ST8SIA4: variants seen among roughly 807,000 people sequenced by gnomAD.
ST8SIA4 encodes ST8 alpha-N-acetyl-neuraminide alpha-2,8-sialyltransferase 4.
A neutral mutation model predicts 33.9 loss-of-function variants in ST8SIA4; 15 were observed. That is an observed-to-expected ratio of 0.44 (90% CI 0.30 to 0.68). The LOEUF (loss-of-function observed/expected upper bound fraction) is 0.68, where lower values mean the gene tolerates loss of function less well. ST8SIA4 is among the 30% of genes least tolerant of loss of function. The pLI, the probability that ST8SIA4 is intolerant of heterozygous loss-of-function variation, is 0.10. For missense variants in ST8SIA4, 321 were observed against 428.0 expected, an observed-to-expected ratio of 0.75 and a Z score of 2.21; for synonymous variants, 171 against 151.2, an observed-to-expected ratio of 1.13 and a Z score of -0.96.
chr5:100,888,410 G>T (rs1752588083), intron 2 of ST8SIA4, among the ~76,000 whole-genome samples: 1 of 151,752 alleles, frequency 6.6e-6, no homozygotes, highest in South Asian at 2.1e-4. Context: ...TTTGATTCTA[G>T]GGGTATCCAA....
At chr5:100,848,299 A>G (rs1227044620) in intron 4 of ST8SIA4, among the ~76,000 whole-genome samples, 1 of 151,430 alleles carries the variant, frequency 6.6e-6, no homozygotes, top group Non-Finnish European at 1.5e-5. Flanking sequence ...GACATACAAA[A>G]CGTCTAACAA....
At chr5:100,859,474 T>A (rs1180088113) in intron 3 of ST8SIA4, among the ~76,000 whole-genome samples, 1 of 152,084 alleles carries the variant, frequency 6.6e-6, no homozygotes, top group Non-Finnish European at 1.5e-5. Context: ...ATTTGACATG[T>A]TGAAAACATA....
At chr5:100,854,726 AAAC>A (rs2112438572) in intron 4 of ST8SIA4, among the ~76,000 whole-genome samples, 1 of 152,356 alleles carries the variant, frequency 6.6e-6, no homozygotes, top group African/African-American at 2.4e-5. Flanking sequence ...CTCAGGAACA[AAAC>A]AAAAATACCT....
intron 4 of ST8SIA4, among the ~76,000 whole-genome samples, chr5:100,840,926 C>T (rs1454118833): frequency 6.6e-6 from 1 of 151,776 alleles, no homozygotes; most frequent in African/African-American, 2.4e-5. Context: ...TGGCCCCCAC[C>T]TAATCCATTT....
chr5:100,846,257 C>G (rs1195005513), intron 4 of ST8SIA4, among the ~76,000 whole-genome samples: 1 of 151,858 alleles, frequency 6.6e-6, no homozygotes, highest in African/African-American at 2.4e-5. Context: ...CTGCTTGGTT[C>G]CCTGCTTGTT....
At chr5:100,862,649 G>A (rs1017887833) in intron 3 of ST8SIA4, among the ~76,000 whole-genome samples, 3 of 151,966 alleles carry the variant, frequency 2.0e-5, no homozygotes, top group Non-Finnish European at 4.4e-5. Flanking sequence ...TGATCCACCC[G>A]CCTCTGCCTC....
chr5:100,832,758 A>C (rs1751288366), intron 4 of ST8SIA4, among the ~76,000 whole-genome samples: 1 of 151,912 alleles, frequency 6.6e-6, no homozygotes, highest in Non-Finnish European at 1.5e-5. Context: ...ACTTACACCA[A>C]CCCAACTCTT....
At chr5:100,886,772 C>T (rs576749016) in intron 2 of ST8SIA4, among the ~76,000 whole-genome samples, 172 bp from the exon 3 acceptor site, 3 of 151,978 alleles carry the variant, frequency 2.0e-5, no homozygotes, top group South Asian at 2.1e-4. Flanking sequence ...TGAATTAAGT[C>T]GATTCTATAA....
At chr5:100,857,218 T>C (rs1751835122) in intron 3 of ST8SIA4, among the ~76,000 whole-genome samples, 1 of 152,016 alleles carries the variant, frequency 6.6e-6, no homozygotes, top group Admixed American at 6.6e-5. Flanking sequence ...GGGCCTGATG[T>C]TGTTTATATA....
At chr5:100,815,501 G>T (rs544395746) in intron 4 of ST8SIA4, among the ~76,000 whole-genome samples, 2 of 141,780 alleles carry the variant, frequency 1.4e-5, no homozygotes, top group Admixed American at 1.4e-4. Context: ...TTCTTCTGTT[G>T]TATGAAACAT....
chr5:100,832,268 C>T (rs1751279316), intron 4 of ST8SIA4, among the ~76,000 whole-genome samples: 1 of 151,906 alleles, frequency 6.6e-6, no homozygotes, highest in Admixed American at 6.6e-5. Flanking sequence ...TATTGGGGCA[C>T]CACAGTGTTT....
intron 4 of ST8SIA4, among the ~76,000 whole-genome samples, chr5:100,848,642 G>A (rs1316540277): frequency 6.7e-6 from 1 of 150,034 alleles, no homozygotes; most frequent in Non-Finnish European, 1.5e-5. Context: ...TACAGTGTGT[G>A]TGTATATATA....
intron 1 of ST8SIA4, chr5:100,900,223 G>A (rs1752871739): frequency 2.9e-6 from 1 of 344,946 alleles, no homozygotes; most frequent in Non-Finnish European, 5.8e-6. Flanking sequence ...AGTGATGCAA[G>A]ATTCAAGGAC....
chr5:100,886,484 G>T lies in ST8SIA4; in HGVS notation c.362C>A (p.Ser121Tyr), dbSNP rs1752539886. ...AGGTAGGAGGCTATGTAGATCATGAGAAATGTTTAGTGTCCGGCGCCTGTC... is the reference window on the plus strand; with the variant it reads ...AGGTAGGAGGCTATGTAGATCATGATAAATGTTTAGTGTCCGGCGCCTGTC... ...VLDRRRTLNI[S>Y]HDLHSLLPEV... The change falls in exon 3 of 5, where the codon TCT becomes TAT. Residue 121 changes from serine to tyrosine, a missense_variant. By Grantham distance (144) the Ser-to-Tyr change is moderately radical. Coordinates refer to ENST00000231461, the MANE Select transcript of ST8SIA4 (RefSeq NM_005668.6). 5.6e-6 allele frequency: 9 copies of T among 1,613,792 alleles called. No homozygotes were observed. The highest frequency in any genetic ancestry group is 2.7e-5 in the African/African-American group (2 of 74,896).
In ST8SIA4 at chr5:100,843,910, G is replaced by A. The variant is rs1021800539; in HGVS notation, c.797+12193C>T. On this transcript the variant is annotated intron_variant, in intron 4 of 4. Coordinates refer to ENST00000231461, the MANE Select transcript of ST8SIA4 (RefSeq NM_005668.6). ...TATTTACACCTTACTTGGTATTTAC[G>A]CATTTTATTATCTCTCTCCAATATT... Among the ~76,000 whole-genome samples the A allele has an allele frequency of 4.6e-5, 7 of 151,940 alleles. No homozygotes were observed. In the East Asian group the frequency reaches 5.8e-4, roughly 13 times the overall value.
chr5:100,840,117 A>T (rs1452239803), intron 4 of ST8SIA4, among the ~76,000 whole-genome samples: 2 of 151,806 alleles, frequency 1.3e-5, no homozygotes, highest in East Asian at 3.9e-4. Context: ...TATCAGTGAG[A>T]CACAGCAACA....
chr5:100,878,396 C>T (rs1263010391), intron 3 of ST8SIA4, among the ~76,000 whole-genome samples: 2 of 151,884 alleles, frequency 1.3e-5, no homozygotes, highest in Non-Finnish European at 2.9e-5. Context: ...AGGCTGGTCT[C>T]GAACTCCCGA....
chr5:100,825,801 A>G (rs1230133096), intron 4 of ST8SIA4, among the ~76,000 whole-genome samples: 2 of 152,158 alleles, frequency 1.3e-5, no homozygotes, highest in African/African-American at 2.4e-5. Context: ...TATTTTTGTC[A>G]TTATTTACCT....
intron 4 of ST8SIA4, among the ~76,000 whole-genome samples, chr5:100,812,941 A>C (rs1164254694): frequency 6.6e-6 from 1 of 152,076 alleles, no homozygotes; most frequent in Admixed American, 6.5e-5. Flanking sequence ...CTTTTTTGAA[A>C]ACAGCTGAAA....
Sources: gnomAD v4.1 joint callset for allele counts (sites outside exome capture counted in the v4.1 genomes callset) on GRCh38, gnomAD v4.1.1 for gene constraint, MANE v1.5 for transcripts, NCBI Gene and HGNC (gene_info 2026-07-23, HGNC 2026-07-21) for gene names.